The following DSC2 variants were observed in gnomAD, a reference collection of about 807,000 sequenced individuals.
DSC2 encodes desmocollin-2.
A neutral mutation model predicts 87.6 loss-of-function variants in DSC2; 51 were observed. The ratio of observed to expected loss-of-function variants is 0.58; its 90% confidence interval spans 0.46 to 0.74. The LOEUF is 0.74. Ranked by LOEUF, DSC2 falls within the 30% of genes least tolerant of loss-of-function variation. The probability of loss-of-function intolerance (pLI) is 0.00; values close to 1 mark genes in which losing one functional copy is unlikely to be tolerated. For missense variants in DSC2, 1,066 were observed against 1,089.5 expected (o/e 0.98, Z 0.30); for synonymous variants, 383 against 393.2 (o/e 0.97, Z 0.31).
Position 31,062,455 on chromosome 18 carries a change from C to A in DSC2, c.*5560G>T, listed in dbSNP as rs1051215748. 6.6e-6 allele frequency: 1 copy of A among 151,658 alleles called. No individual in the cohort carries two copies. Among genetic ancestry groups the A allele is most frequent in the South Asian group, 2.1e-4 (1 of 4,822 alleles). The allele number at this position is 151,658 out of a possible 1,614,324, so 9.4% of individuals were successfully genotyped here. ...AACCTGGCAATGATGAAGTGACAGT[C>A]GCAAACATAATTTTCACATTGGCTA... On this transcript the variant is annotated 3_prime_UTR_variant, in exon 16 of 16. Transcript: ENST00000280904.
At chr18:31,071,253 T>G (rs1986817943) in intron 13 of DSC2, among the ~76,000 whole-genome samples, 1 of 152,078 alleles carries the variant, frequency 6.6e-6, no homozygotes, top group Non-Finnish European at 1.5e-5. Flanking sequence ...TCTTAGAATG[T>G]GTCTTGAAAG....
chr18:31,071,690 A>G lies in DSC2; in HGVS notation c.2040T>C (p.Arg680=), dbSNP rs975331812. 6.2e-7 allele frequency: 1 copy of G among 1,614,002 alleles called. No homozygotes were observed. Among genetic ancestry groups the G allele is most frequent in the African/African-American group, 1.3e-5 (1 of 74,928 alleles). The change falls in exon 13 of 16, where the codon CGT becomes CGC. Residue 680 remains arginine (R), a synonymous_variant. Coordinates refer to ENST00000280904, the MANE Select transcript of DSC2 (RefSeq NM_024422.6). The stretch of plus-strand genomic sequence containing the variant: ...CTCCACCGCCAATCCTTGGATCTAC[A>G]CGATGTGTGCAGTCATTTTCGGTAA... ...DCITENDCTH[R]VDPRIGGGGV...
intron 11 of DSC2, among the ~76,000 whole-genome samples, chr18:31,075,743 G>A (rs1191193583): frequency 1.3e-5 from 2 of 152,088 alleles, no homozygotes; most frequent in Non-Finnish European, 2.9e-5. Context: ...TCAGCTACTC[G>A]GGAGGTTGAG....
intron 7 of DSC2, among the ~76,000 whole-genome samples, chr18:31,084,670 T>G (rs1048645446): frequency 1.9e-4 from 29 of 152,070 alleles, no homozygotes; most frequent in East Asian, 5.8e-4. Context: ...TTTTGCTTTT[T>G]TTTTTTTTCC....
intron 1 of DSC2, among the ~76,000 whole-genome samples, chr18:31,094,813 AT>A (rs1987712551): frequency 6.6e-6 from 1 of 152,234 alleles, no homozygotes; most frequent in African/African-American, 2.4e-5. Flanking sequence ...TGAACTGGAA[AT>A]TAAATGATAT....
intron 1 of DSC2, among the ~76,000 whole-genome samples, chr18:31,100,947 C>T (rs1987924091): frequency 6.6e-6 from 1 of 152,162 alleles, no homozygotes; most frequent in Non-Finnish European, 1.5e-5. Flanking sequence ...AACGAGATCC[C>T]ATCGGTCAAG....
In DSC2 at chr18:31,086,591, A is replaced by T. The variant is rs1434821927; in HGVS notation, c.927T>A (p.Ser309=). The change falls in exon 7 of 16, where the codon TCT becomes TCA. Residue 309 remains serine (S), a synonymous_variant. Transcript: ENST00000280904. ...PTTGVITTTS[S]QLDRELIDKY... ...TTTATGTTACCTCTCTGTCTAGCTG[A>T]GATGATGTTGTGGTGATCACGCCTG... 3.7e-6 allele frequency: 6 copies of T among 1,614,014 alleles called. No homozygotes were observed. The highest frequency in any genetic ancestry group is 2.7e-5 in the African/African-American group (2 of 74,910).
rs373305929 is a variant in DSC2 at position 31,092,128 on chromosome 18, T to C, written c.327A>G (p.Ile109Met). 63 of 1,612,984 alleles carry C rather than the reference T, an allele frequency of 3.9e-5. 1 individual carries two copies. In the Middle Eastern group the frequency reaches 1.5e-3, roughly 39 times the overall value. ...TTGTTTGATGCTCCAAAAAGACAAA[T>C]ATTTTCTTCTTTTCTTGGTTCTCAG... ...SNTENQEKKK[I>M]FVFLEHQTKV... is the part of the protein sequence containing the mutation. The change falls in exon 3 of 16, where the codon ATA (isoleucine) becomes ATG (methionine). Residue 109 changes from isoleucine to methionine, a missense_variant. Transcript: ENST00000280904.
In DSC2 at chr18:31,079,853, C is replaced by T. The variant is rs1214446988; in HGVS notation, c.1657G>A (p.Asp553Asn). 1 of 1,613,902 alleles carries T rather than the reference C, an allele frequency of 6.2e-7. No individual in the cohort carries two copies. The highest frequency in any genetic ancestry group is 1.7e-5 in the Admixed American group (1 of 60,008). ...GIYNITVLAS[D>N]QGGRTCTGTL... ...CTTAAAGACAAATTCTTACCTTGGT[C>T]TGATGCAAGGACTGTAATATTATAT... Residue 553 changes from aspartate (D) to asparagine (N), a missense_variant, in exon 11 of 16, where the codon GAC (aspartate) becomes AAC (asparagine). Asp to Asn is a conservative substitution (Grantham distance 23). Coordinates refer to ENST00000280904, the MANE Select transcript of DSC2 (RefSeq NM_024422.6).
At chr18:31,075,185 G>C (rs546829677) in intron 11 of DSC2, among the ~76,000 whole-genome samples, 9 of 152,268 alleles carry the variant, frequency 5.9e-5, no homozygotes, top group Admixed American at 5.2e-4. Context: ...GGAAGGAAGA[G>C]AGTATGAATG....
intron 13 of DSC2, among the ~76,000 whole-genome samples, chr18:31,071,217 G>A (rs1986816754): frequency 6.6e-6 from 1 of 151,966 alleles, no homozygotes; most frequent in African/African-American, 2.4e-5. Context: ...ACATGCAAAT[G>A]ATCAGCTATA....
At chr18:31,077,781 C>T (rs978083290) in intron 11 of DSC2, among the ~76,000 whole-genome samples, 1 of 152,090 alleles carries the variant, frequency 6.6e-6, no homozygotes, top group Non-Finnish European at 1.5e-5. Context: ...GTGCATGATG[C>T]TCTTCAGTCA....
chr18:31,083,099 A>G (rs755060453), intron 7 of DSC2, 39 bp from the exon 8 acceptor site: 2 of 1,595,560 alleles, frequency 1.3e-6, no homozygotes, highest in Admixed American at 3.4e-5. Flanking sequence ...GGGGGAAAGC[A>G]CCAACATTAT....
In DSC2 at chr18:31,059,091, A is replaced by T. The variant is rs1421311848; in HGVS notation, c.*8924T>A. On this transcript the variant is annotated 3_prime_UTR_variant, in exon 16 of 16. Coordinates refer to ENST00000280904, the MANE Select transcript of DSC2 (RefSeq NM_024422.6). ...ATCTGAACCTTGCCTGTTGGGCCCC[A>T]AGGGACCCAAAGTTCAGGCTCTATC... 3 of 152,168 alleles carry T rather than the reference A, an allele frequency of 2.0e-5. No homozygotes were observed. Among genetic ancestry groups the T allele is most frequent in the Non-Finnish European group, 2.9e-5 (2 of 68,034 alleles). 9.4% of individuals were successfully genotyped at this position (152,168 alleles called of 1,614,324 possible).
intron 11 of DSC2, among the ~76,000 whole-genome samples, chr18:31,078,129 T>C (rs1987082240): frequency 6.6e-6 from 1 of 152,166 alleles, no homozygotes; most frequent in East Asian, 1.9e-4. Flanking sequence ...GCAGTATCCA[T>C]GAGGGAGGAG....
chr18:31,072,714 A>G (rs1986874925), intron 12 of DSC2, among the ~76,000 whole-genome samples: 2 of 152,214 alleles, frequency 1.3e-5, no homozygotes, highest in Non-Finnish European at 2.9e-5. Context: ...TGCAGATACC[A>G]GGTCCCATAG....
intron 11 of DSC2, among the ~76,000 whole-genome samples, chr18:31,077,897 T>A (rs2144807869): frequency 6.6e-6 from 1 of 152,296 alleles, no homozygotes; most frequent in African/African-American, 2.4e-5. Flanking sequence ...TGGGTAAAGC[T>A]GCCCACACAA....
intron 12 of DSC2, 45 bp downstream of exon 12, chr18:31,074,638 C>A: frequency 1.3e-6 from 2 of 1,533,080 alleles, no homozygotes; most frequent in Non-Finnish European, 1.8e-6. Context: ...GTATCGCAGA[C>A]ATCCTGATGT....
intron 11 of DSC2, among the ~76,000 whole-genome samples, chr18:31,078,557 G>GT (rs200867100): frequency 1.3e-3 from 190 of 149,036 alleles, no homozygotes; most frequent in Middle Eastern, 0.01. Context: ...TGAGTTTCAT[G>GT]TTTTTTTTTT....
Sources: allele counts gnomAD v4.1 joint callset (sites outside exome capture counted in the v4.1 genomes callset), GRCh38; gene constraint gnomAD v4.1.1; transcripts MANE v1.5; gene names NCBI Gene and HGNC (gene_info 2026-07-23, HGNC 2026-07-21).